SPIDR: variants seen among roughly 807,000 people sequenced by gnomAD.
SPIDR encodes DNA repair-scaffolding protein.
A neutral mutation model predicts 104.6 loss-of-function variants in SPIDR; 93 were observed. That is an observed-to-expected ratio of 0.89 (90% CI 0.75 to 1.06). The LOEUF (loss-of-function observed/expected upper bound fraction) is 1.06, where lower values mean the gene tolerates loss of function less well. Among genes scored for constraint, SPIDR ranks in the 50% least tolerant of loss-of-function variants. The pLI, the probability that SPIDR is intolerant of heterozygous loss-of-function variation, is 0.00. For missense variants in SPIDR, 1,154 were observed against 1,111.2 expected, an observed-to-expected ratio of 1.04 and a Z score of -0.55; for synonymous variants, 431 against 416.9, an observed-to-expected ratio of 1.03 and a Z score of -0.41.
chr8:47,317,172 G>T (rs905813026), intron 5 of SPIDR, among the ~76,000 whole-genome samples: 7 of 152,192 alleles, frequency 4.6e-5, no homozygotes, highest in African/African-American at 1.4e-4. Flanking sequence ...CACCCAGGAA[G>T]CGCAAGGGGT....
intron 10 of SPIDR, among the ~76,000 whole-genome samples, chr8:47,633,459 T>G (rs531206497): frequency 6.6e-6 from 1 of 151,756 alleles, no homozygotes; most frequent in East Asian, 2.0e-4. Context: ...TGTTCTCACC[T>G]GCTGCTGTTG....
chr8:47,509,768 C>T (rs531656679), intron 8 of SPIDR, among the ~76,000 whole-genome samples: 1 of 152,286 alleles, frequency 6.6e-6, no homozygotes, highest in South Asian at 2.1e-4. Flanking sequence ...AGGTCTACAA[C>T]GTATATCTCT....
intron 11 of SPIDR, among the ~76,000 whole-genome samples, chr8:47,699,675 C>A (rs1216026982): frequency 6.6e-6 from 1 of 152,170 alleles, no homozygotes; most frequent in Non-Finnish European, 1.5e-5. Flanking sequence ...CTGCCTCAAC[C>A]TCCCGAGTAG....
chr8:47,278,346 A>C (rs1480549590), intron 1 of SPIDR, among the ~76,000 whole-genome samples: 1 of 148,180 alleles, frequency 6.7e-6, no homozygotes, highest in East Asian at 2.0e-4. Flanking sequence ...CAAAGACAGG[A>C]TCTTGCTCTG....
chr8:47,393,465 C>T (rs567094491), intron 5 of SPIDR, among the ~76,000 whole-genome samples: 11 of 152,226 alleles, frequency 7.2e-5, no homozygotes, highest in African/African-American at 2.4e-4. Flanking sequence ...AGGTTGTTGG[C>T]TCCTGCGTCA....
At chr8:47,725,103 G>C (rs1245974146) in intron 16 of SPIDR, among the ~76,000 whole-genome samples, 1 of 152,224 alleles carries the variant, frequency 6.6e-6, no homozygotes, top group Non-Finnish European at 1.5e-5. Flanking sequence ...GAGATAGGGA[G>C]GAAGAGGGTA....
intron 8 of SPIDR, among the ~76,000 whole-genome samples, chr8:47,485,435 T>A (rs1212896789): frequency 6.6e-6 from 1 of 152,206 alleles, no homozygotes; most frequent in Non-Finnish European, 1.5e-5. Context: ...GGGCAGGGCA[T>A]AGCCAAACAA....
In SPIDR at chr8:47,701,973, C is replaced by A. The variant is rs772144417; in HGVS notation, c.1935C>A (p.Thr645=). 6 of 1,613,834 alleles carry A rather than the reference C, an allele frequency of 3.7e-6. No individual in the cohort carries two copies. The highest frequency in any genetic ancestry group is 2.2e-5 in the South Asian group (2 of 91,060). The change falls in exon 14 of 20, where the codon ACC becomes ACA. Residue 645 remains threonine, a synonymous_variant. Coordinates refer to ENST00000297423, the MANE Select transcript of SPIDR (RefSeq NM_001080394.4). ...RDILQMNDLG[T]RCSFYATVIY... The stretch of plus-strand genomic sequence containing the variant: ...CTTTCCAGATGAATGATCTTGGTAC[C>A]CGTTGCAGTTTCTATGCCACGGTGA...
chr8:47,377,660 C>T (rs2058816404), intron 5 of SPIDR, among the ~76,000 whole-genome samples: 1 of 152,220 alleles, frequency 6.6e-6, no homozygotes, highest in Non-Finnish European at 1.5e-5. Flanking sequence ...CAGGAGGAAA[C>T]AGCAGGTTTC....
At chr8:47,710,823 G>A (rs975662691) in intron 14 of SPIDR, among the ~76,000 whole-genome samples, 6 of 150,894 alleles carry the variant, frequency 4.0e-5, no homozygotes, top group African/African-American at 9.8e-5. Context: ...TCTGTCATCC[G>A]GGCTGTAGTG....
At chr8:47,411,556 G>C (rs1554671566) in intron 7 of SPIDR, among the ~76,000 whole-genome samples, 1 of 151,984 alleles carries the variant, frequency 6.6e-6, no homozygotes, top group East Asian at 1.9e-4. Flanking sequence ...CTGGATATTA[G>C]CTTTGTCAGA....
Position 47,260,946 on chromosome 8 carries a change from G to T in SPIDR, c.-13G>T. ...CGCTGAGGAGGCGGTGCGCTCAGGC[G>T]GCGCTCCCGGAGATGCCCCGCGGCA... On this transcript the variant is annotated 5_prime_UTR_variant, in exon 1 of 20. Transcript: ENST00000297423. The T allele has an allele frequency of 4.9e-6, 6 of 1,228,530 alleles. No individual in the cohort carries two copies. The East Asian group carries it at 1.9e-4, about 39-fold the overall frequency. The allele number at this position is 1,228,530 out of a possible 1,614,324, so 76.1% of individuals were successfully genotyped here.
chr8:47,658,966 G>T (rs926501393), intron 10 of SPIDR, among the ~76,000 whole-genome samples: 1 of 147,020 alleles, frequency 6.8e-6, no homozygotes, highest in Non-Finnish European at 1.5e-5. Flanking sequence ...AAAAAGAAAA[G>T]ACTCTTCTCA....
chr8:47,280,223 T>A (rs941851120), intron 2 of SPIDR, among the ~76,000 whole-genome samples: 3 of 150,684 alleles, frequency 2.0e-5, no homozygotes, highest in Non-Finnish European at 2.9e-5. Flanking sequence ...TTTTATTTTT[T>A]ATTTTTTTTT....
At chr8:47,718,486 A>C (rs1209868302) in intron 16 of SPIDR, among the ~76,000 whole-genome samples, 1 of 152,024 alleles carries the variant, frequency 6.6e-6, no homozygotes, top group Non-Finnish European at 1.5e-5. Flanking sequence ...AAATATGCTT[A>C]AACTACTTAT....
At chr8:47,311,368 T>G (rs2044117445) in intron 5 of SPIDR, among the ~76,000 whole-genome samples, 1 of 152,076 alleles carries the variant, frequency 6.6e-6, no homozygotes, top group Non-Finnish European at 1.5e-5. Context: ...CAGGGGAAAT[T>G]GGGTCAAAAA....
intron 5 of SPIDR, among the ~76,000 whole-genome samples, chr8:47,312,090 G>A (rs1372055110): frequency 1.3e-5 from 2 of 152,204 alleles, no homozygotes; most frequent in African/African-American, 4.8e-5. Flanking sequence ...TGGTGGATAT[G>A]TGCCACATTT....
Position 47,663,548 on chromosome 8 carries a change from C to G in SPIDR, c.1545-10253C>G, listed in dbSNP as rs182427898. Among the ~76,000 whole-genome samples, 21 of 152,350 alleles carry G rather than the reference C, an allele frequency of 1.4e-4. No homozygotes were observed. The East Asian group carries it at 3.3e-3, about 24-fold the overall frequency. On this transcript the variant is annotated intron_variant, in intron 10 of 19. Transcript: ENST00000297423. ...CCCAAGTGCTTTTGTTATTAAGGAT[C>G]TTGTGACACTTACTTCATGGCTCTG...
chr8:47,475,475 G>A (rs782191093), intron 8 of SPIDR, among the ~76,000 whole-genome samples: 3 of 152,176 alleles, frequency 2.0e-5, no homozygotes, highest in Non-Finnish European at 2.9e-5. Context: ...AAAATAATCC[G>A]AAGATCATGC....
Sources: allele counts gnomAD v4.1 joint callset (sites outside exome capture counted in the v4.1 genomes callset), GRCh38; gene constraint gnomAD v4.1.1; transcripts MANE v1.5; gene names NCBI Gene and HGNC (gene_info 2026-07-23, HGNC 2026-07-21).